The following STXBP5 variants were observed in gnomAD, a reference collection of about 807,000 sequenced individuals.
STXBP5 encodes syntaxin binding protein 5.
STXBP5 carries 50 observed loss-of-function variants against 152.4 expected under a neutral mutation model. The ratio of observed to expected loss-of-function variants is 0.33; its 90% confidence interval spans 0.26 to 0.42. The LOEUF (loss-of-function observed/expected upper bound fraction) is 0.42. Ranked by LOEUF, STXBP5 falls within the 10% of genes least tolerant of loss-of-function variation. The probability of loss-of-function intolerance (pLI) is 1.00; values close to 1 mark genes in which losing one functional copy is unlikely to be tolerated. For missense variants in STXBP5, 1,167 were observed against 1,388.6 expected, an observed-to-expected ratio of 0.84 and a Z score of 2.54; for synonymous variants, 492 against 494.7, an observed-to-expected ratio of 0.99 and a Z score of 0.07.
At chr6:147,273,022 T>TA (rs1780252094) in intron 7 of STXBP5, among the ~76,000 whole-genome samples, 1 of 152,128 alleles carries the variant, frequency 6.6e-6, no homozygotes, top group Non-Finnish European at 1.5e-5. Context: ...ATCTCTTTAA[T>TA]GGACATTCCA....
At chr6:147,252,786 A>G (rs1480978057) in intron 4 of STXBP5, among the ~76,000 whole-genome samples, 3 of 152,190 alleles carry the variant, frequency 2.0e-5, no homozygotes, top group South Asian at 4.1e-4. Flanking sequence ...AGATTCACCA[A>G]TAACAAGTTC....
chr6:147,244,875 T>G (rs983397679), intron 4 of STXBP5, among the ~76,000 whole-genome samples: 4 of 152,188 alleles, frequency 2.6e-5, no homozygotes, highest in African/African-American at 9.7e-5. Flanking sequence ...GAGTCCTATT[T>G]CTCTGGCTGC....
intron 21 of STXBP5, among the ~76,000 whole-genome samples, chr6:147,343,444 TCACATAATTTTAAAGCAGTTCTAA>T (rs1784180686): frequency 6.6e-6 from 1 of 152,172 alleles, no homozygotes; most frequent in Non-Finnish European, 1.5e-5. Flanking sequence ...ACTCATTAAC[TCACATAATTTTAAAGCAGTTCTAA>T]CACCTTTATT....
chr6:147,265,711 A>G (rs899884420), intron 6 of STXBP5, among the ~76,000 whole-genome samples: 24 of 152,090 alleles, frequency 1.6e-4, no homozygotes, highest in Non-Finnish European at 2.6e-4. Flanking sequence ...TTTGTGAGGC[A>G]GGAACATGCA....
chr6:147,331,378 G>C (rs1172485476), intron 18 of STXBP5, among the ~76,000 whole-genome samples: 1 of 152,122 alleles, frequency 6.6e-6, no homozygotes, highest in Non-Finnish European at 1.5e-5. Context: ...TTTACATATA[G>C]AACAGAAAAC....
intron 22 of STXBP5, among the ~76,000 whole-genome samples, chr6:147,358,564 A>G (rs1425291860): frequency 1.3e-5 from 2 of 152,168 alleles, no homozygotes; most frequent in Non-Finnish European, 2.9e-5. Context: ...GGTGTTAAGG[A>G]CAGCAACTCC....
rs561724429 is a variant in STXBP5 at position 147,279,765 on chromosome 6, C to T, written c.838+1561C>T. 7.4e-4 allele frequency among the ~76,000 whole-genome samples: 112 copies of T among 152,180 alleles called. 2 individuals carry two copies. Among genetic ancestry groups the T allele is most frequent in the African/African-American group, 2.6e-3 (110 of 41,524 alleles). On this transcript the variant is annotated intron_variant, in intron 8 of 27. Transcript: ENST00000321680. ...CTATTAGTATCTAGGTTCCTCATCT[C>T]GACACTCCTAAAAATTCCCATGAAT...
intron 8 of STXBP5, among the ~76,000 whole-genome samples, chr6:147,281,603 T>G (rs565322428): frequency 6.6e-6 from 1 of 152,342 alleles, no homozygotes; most frequent in African/African-American, 2.4e-5. Flanking sequence ...AATTGAGTAC[T>G]TTTTTACTTT....
At chr6:147,326,855 A>C (rs1433869831) in intron 17 of STXBP5, among the ~76,000 whole-genome samples, 4 of 152,216 alleles carry the variant, frequency 2.6e-5, no homozygotes, top group Non-Finnish European at 4.4e-5. Context: ...AGAGATTTAT[A>C]TCTCTGATCA....
At chr6:147,323,729 G>A (rs1442767425) in intron 16 of STXBP5, among the ~76,000 whole-genome samples, 3 of 152,104 alleles carry the variant, frequency 2.0e-5, no homozygotes, top group Non-Finnish European at 4.4e-5. Context: ...TATTACCTTT[G>A]TCTAATTTGA....
In STXBP5 at chr6:147,368,346, T is replaced by C. The variant is rs138885873; in HGVS notation, c.3081+4180T>C. On this transcript the variant is annotated intron_variant, in intron 25 of 27. Transcript: ENST00000321680. Reference sequence around the variant, plus strand: ...CAAGTGAGACCTAATCCCAGGAAAGTAGGATTGACCTAACGTTTGAAAATC... The same window carrying C: ...CAAGTGAGACCTAATCCCAGGAAAGCAGGATTGACCTAACGTTTGAAAATC... Among the ~76,000 whole-genome samples, 46 of 152,220 alleles carry C rather than the reference T, an allele frequency of 3.0e-4. No individual in the cohort carries two copies. In the East Asian group the frequency reaches 6.6e-3, roughly 22 times the overall value.
At chr6:147,306,180 C>T (rs1381993930) in intron 9 of STXBP5, among the ~76,000 whole-genome samples, 1 of 152,210 alleles carries the variant, frequency 6.6e-6, no homozygotes, top group Admixed American at 6.5e-5. Flanking sequence ...TCTGGTGAGG[C>T]AGTGATCAGC....
At chr6:147,205,295 A>G (rs1291237297) in intron 1 of STXBP5, among the ~76,000 whole-genome samples, 1 of 151,702 alleles carries the variant, frequency 6.6e-6, no homozygotes, top group Admixed American at 6.6e-5. Context: ...GAGAAACACA[A>G]ACTTGCCTCG....
intron 26 of STXBP5, among the ~76,000 whole-genome samples, chr6:147,380,363 TG>T (rs1162488120): frequency 1.3e-5 from 2 of 151,668 alleles, no homozygotes; most frequent in African/African-American, 4.8e-5. Flanking sequence ...TATGGTCAAT[TG>T]TTTTTTTTTA....
chr6:147,238,163 A>C (rs1219715418), intron 3 of STXBP5, among the ~76,000 whole-genome samples: 1 of 152,184 alleles, frequency 6.6e-6, no homozygotes, highest in East Asian at 1.9e-4. Flanking sequence ...AAATTTATTT[A>C]ACTTTTGATT....
rs75073059 is a variant in STXBP5 at position 147,309,742 on chromosome 6, A to C, written c.918-342A>C. Reference sequence around the variant, plus strand: ...TTCTCTGTGGGAGCTTCTATTGAGAAGGCCTGGTTAGGATTGGAAGTCAAA... The same window carrying C: ...TTCTCTGTGGGAGCTTCTATTGAGACGGCCTGGTTAGGATTGGAAGTCAAA... On this transcript the variant is annotated intron_variant, in intron 9 of 27. Coordinates refer to ENST00000321680, the MANE Select transcript of STXBP5 (RefSeq NM_001127715.4). 4.0e-4 allele frequency among the ~76,000 whole-genome samples: 61 copies of C among 152,236 alleles called. No homozygotes were observed. In the East Asian group the frequency reaches 0.011, roughly 28 times the overall value.
chr6:147,324,272 T>TTTTTTTTTTTTTTTTTTTTTTTTTG (rs1562245829), intron 16 of STXBP5, among the ~76,000 whole-genome samples: 1 of 123,760 alleles, frequency 8.1e-6, no homozygotes, highest in African/African-American at 3.1e-5. Flanking sequence ...TGGTTTTTTT[T>TTTTTTTTTTTTTTTTTTTTTTTTTG]TTTTTTTTTT....
At position 147,364,007 on chromosome 6, in the gene STXBP5, A is replaced by G; in HGVS notation, c.2922A>G (p.Pro974=). Residue 974 remains proline, a synonymous_variant, in exon 25 of 28, where the codon CCA becomes CCG. Transcript: ENST00000321680. ...ANGHIMTFSL[P]SLRPLLDVYY... is the part of the protein sequence containing the mutation. ...TTTTAATTTTTTTCTCAAGTTTGCC[A>G]AGTTTAAGACCTCTGTTGGATGTGT... 1 of 1,610,082 alleles carries G rather than the reference A, an allele frequency of 6.2e-7. No individual in the cohort carries two copies. The highest frequency in any genetic ancestry group is 1.1e-5 in the South Asian group (1 of 89,592).
intron 9 of STXBP5, among the ~76,000 whole-genome samples, chr6:147,293,797 A>G (rs1031244976): frequency 2.0e-5 from 3 of 152,170 alleles, no homozygotes; most frequent in African/African-American, 4.8e-5. Flanking sequence ...CAACCCATAC[A>G]TATCGTTAGT....
Sources: gnomAD v4.1 joint callset for allele counts (sites outside exome capture counted in the v4.1 genomes callset) on GRCh38, gnomAD v4.1.1 for gene constraint, MANE v1.5 for transcripts, NCBI Gene and HGNC (gene_info 2026-07-23, HGNC 2026-07-21) for gene names.